Variants in ZNF208 observed in about 807,000 individuals in gnomAD.
ZNF208 encodes zinc finger protein 208.
In ZNF208, 10 loss-of-function variants were observed where a neutral mutation model predicts 12.1. The ratio of observed to expected loss-of-function variants is 0.83; its 90% CI spans 0.51 to 1.40. The LOEUF is 1.40. ZNF208 is among the 40% of genes most tolerant of loss of function. The pLI is 0.00. For missense variants in ZNF208, 1,652 were observed against 1,485.0 expected, an observed-to-expected ratio of 1.11 and a Z score of -1.85; for synonymous variants, 497 against 488.4, an observed-to-expected ratio of 1.02 and a Z score of -0.23.
At chr19:21,974,870 A>C in intron 3 of ZNF208, 63 bp from the exon 4 acceptor site, 1 of 1,439,440 alleles carries the variant, frequency 6.9e-7, no homozygotes, top group East Asian at 2.5e-5. Flanking sequence ...ACAGTTTCTA[A>C]ATCTAAACTA....
In ZNF208 at chr19:21,953,924, T is replaced by C. The variant is rs143305240; in HGVS notation, c.306-20687A>G. Among the ~76,000 whole-genome samples the C allele has an allele frequency of 3.1e-3, 465 of 152,324 alleles. 4 individuals are homozygous for C. Among genetic ancestry groups the C allele is most frequent in the Middle Eastern group, 0.01 (3 of 294 alleles). Reference sequence around the variant, plus strand: ...CTTCTCTAGTTCTTTTAATTGTGATTGTAGCATGTCAATTTTAGATCTTTC... The same window carrying C: ...CTTCTCTAGTTCTTTTAATTGTGATCGTAGCATGTCAATTTTAGATCTTTC... On this transcript the variant is annotated intron_variant, in intron 4 of 4. Coordinates refer to the ZNF208 transcript ENST00000599916.
intron 1 of ZNF208, among the ~76,000 whole-genome samples, chr19:22,008,782 A>G (rs1971094083): frequency 6.6e-6 from 1 of 152,130 alleles, no homozygotes; most frequent in Non-Finnish European, 1.5e-5. Flanking sequence ...AAAACAGCAC[A>G]CCAGAAGATG....
chr19:21,962,600 T>A (rs1460104481), downstream of ZNF208, among the ~76,000 whole-genome samples: 1 of 152,128 alleles, frequency 6.6e-6, no homozygotes, highest in Admixed American at 6.6e-5. Flanking sequence ...AAAAAAGAGA[T>A]GCAAAGAAGA....
rs1036187082 is a variant in ZNF208, at chr19:22,008,562, T to G, written c.3+2230A>C. Among the ~76,000 whole-genome samples the G allele has an allele frequency of 4.6e-4, 70 of 151,722 alleles. 1 individual carries two copies. The highest frequency in any genetic ancestry group is 3.6e-3 in the Admixed American group (55 of 15,238). On this transcript the variant is annotated intron_variant, in intron 1 of 3. Transcript: ENST00000397126. ...ATCTCACTGGGGTCAGTTTTTTTTT[T>G]TGTCTTTGGAGTGCTATTTTTTTTC...
In ZNF208 at chr19:21,970,889, T is replaced by C. The variant is rs895988222; in HGVS notation, c.*302A>G. 2.2e-5 allele frequency: 33 copies of C among 1,519,890 alleles called. No individual in the cohort carries two copies. The African/African-American group carries it at 2.9e-4, about 13-fold the overall frequency. 94.2% of individuals were successfully genotyped at this position (1,519,890 alleles called of 1,614,324 possible). ...TCTCTCCAGTATGAATTTTCTATGA[T>C]AACTGAGGGTTGAGGACCACTTATA... is the stretch of plus-strand genomic sequence containing the variant. On this transcript the variant is annotated 3_prime_UTR_variant, in exon 4 of 4. Transcript: ENST00000397126.
In ZNF208 at chr19:21,972,519, C is replaced by T. The variant is rs145722631; in HGVS notation, c.2515G>A (p.Gly839Ser). 2.2e-3 allele frequency: 3,593 copies of T among 1,612,774 alleles called. 82 individuals carry two copies. The African/African-American group carries it at 0.043, about 19-fold the overall frequency. The change falls in exon 4 of 4, where the codon GGC becomes AGC. Residue 839 changes from glycine to serine, a missense_variant. By Grantham distance (56) the Gly-to-Ser change is moderately conservative. Transcript: ENST00000397126. ...ATTGAGAACTTACTAAAGGCTTTGC[C>T]ACATTCTTTACATTTGTAGGGCTTT... ...GEKPYKCKECGKAFSKFSILT... is the reference protein window; with the variant it reads ...GEKPYKCKECSKAFSKFSILT...
intron 3 of ZNF208, among the ~76,000 whole-genome samples, chr19:21,985,604 C>G (rs750324189): frequency 2.0e-5 from 3 of 152,190 alleles, no homozygotes; most frequent in Non-Finnish European, 4.4e-5. Context: ...TTTGAACTTA[C>G]TCTGTAACCA....
In ZNF208 at chr19:21,970,626, A is replaced by T; in HGVS notation, c.*565T>A. 3.1e-6 allele frequency: 3 copies of T among 968,770 alleles called. No homozygotes were observed. The highest frequency in any genetic ancestry group is 4.9e-6 in the Non-Finnish European group (3 of 618,432). 60.0% of individuals were successfully genotyped at this position (968,770 alleles called of 1,614,324 possible). A position where few individuals can be genotyped will look rare whatever the true frequency, so the allele number is the denominator to read the frequency against. ...ATTTGTAGGGCTTCTCACCAGTATG[A>T]ATTCTCTTATGTTCCATAAGGTTTG... On this transcript the variant is annotated 3_prime_UTR_variant, in exon 4 of 4. Coordinates refer to ENST00000397126, the MANE Select transcript of ZNF208 (RefSeq NM_007153.3).
At chr19:21,940,517 AAAAAG>A (rs1969718320) in intron 4 of ZNF208, 1 of 152,220 alleles carries the variant, frequency 6.6e-6, no homozygotes, top group Non-Finnish European at 1.5e-5. Flanking sequence ...GGAAAAGGCG[AAAAAG>A]AAAAGAAAAA....
intron 1 of ZNF208, among the ~76,000 whole-genome samples, chr19:22,005,058 C>T (rs147425289): frequency 2.7e-3 from 404 of 152,224 alleles, no homozygotes; most frequent in African/African-American, 9.4e-3. Context: ...AGATTATGAA[C>T]CCTAGGCTGG....
chr19:21,977,348 G>A (rs1970450908), intron 3 of ZNF208, among the ~76,000 whole-genome samples: 2 of 152,232 alleles, frequency 1.3e-5, no homozygotes, highest in South Asian at 4.1e-4. Flanking sequence ...CAGAAGGTGG[G>A]TGATTTCTGC....
rs143936594 is a variant in ZNF208, at chr19:21,979,317, C to G, written c.227-4510G>C. On this transcript the variant is annotated intron_variant, in intron 3 of 3. Transcript: ENST00000397126. ...TGAAATGAAGAAAAAATGTTGACGGCAGCCAGGGAGAAAGGTCGGGTTACC... is the reference window on the plus strand; with the variant it reads ...TGAAATGAAGAAAAAATGTTGACGGGAGCCAGGGAGAAAGGTCGGGTTACC... Among the ~76,000 whole-genome samples the G allele has an allele frequency of 7.7e-3, 1,170 of 152,232 alleles. 8 individuals carry two copies. The highest frequency in any genetic ancestry group is 0.026 in the African/African-American group (1,096 of 41,518).
In ZNF208 at chr19:21,947,068, T is replaced by G. The variant is rs141973240; in HGVS notation, c.306-13831A>C. ...AGCCTATGGATATAATCATGCTGAGTAAAGTCAGTCAGTGTCTTAGTCATC... is the reference window on the plus strand; with the variant it reads ...AGCCTATGGATATAATCATGCTGAGGAAAGTCAGTCAGTGTCTTAGTCATC... On this transcript the variant is annotated intron_variant, in intron 4 of 4. Transcript: ENST00000599916. Among the ~76,000 whole-genome samples, 767 of 152,254 alleles carry G rather than the reference T, an allele frequency of 5.0e-3. 3 individuals carry two copies. The highest frequency in any genetic ancestry group is 0.017 in the African/African-American group (710 of 41,550).
intron 4 of ZNF208, among the ~76,000 whole-genome samples, chr19:21,948,099 GA>G (rs1969840244): frequency 1.3e-5 from 2 of 152,176 alleles, no homozygotes; most frequent in African/African-American, 4.8e-5. Context: ...ACCAAAAAGA[GA>G]AAGGGGACTG....
chr19:21,989,165 C>A (rs1306461428), intron 1 of ZNF208, among the ~76,000 whole-genome samples: 1 of 151,162 alleles, frequency 6.6e-6, no homozygotes, highest in Non-Finnish European at 1.5e-5. Context: ...TATACATGTG[C>A]CATCCTGGTG....
intron 1 of ZNF208, chr19:21,998,576 T>G (rs1277833206): frequency 6.6e-6 from 1 of 152,564 alleles, no homozygotes; most frequent in East Asian, 1.9e-4. Flanking sequence ...ACTGGGACTG[T>G]AGACACACAC....
At chr19:21,944,736 A>T (rs1053364996) in intron 4 of ZNF208, among the ~76,000 whole-genome samples, 1 of 152,198 alleles carries the variant, frequency 6.6e-6, no homozygotes, top group Non-Finnish European at 1.5e-5. Flanking sequence ...TAAAAATTTT[A>T]ATTTTCCCAC....
rs148566913 is a variant in ZNF208 at position 21,959,633 on chromosome 19, C to A, written c.305+15096G>T. On this transcript the variant is annotated intron_variant, in intron 4 of 4. Transcript: ENST00000599916. ...GAAAATAAAGTGACTGCGGATTAAGCAGACAGCTATACATGGAAAAATATT... is the reference window on the plus strand; with the variant it reads ...GAAAATAAAGTGACTGCGGATTAAGAAGACAGCTATACATGGAAAAATATT... Among the ~76,000 whole-genome samples, 375 of 152,242 alleles carry A rather than the reference C, an allele frequency of 2.5e-3. 1 individual carries two copies. The highest frequency in any genetic ancestry group is 8.7e-3 in the African/African-American group (362 of 41,554).
chr19:22,000,522 A>G (rs1970925825), intron 1 of ZNF208, among the ~76,000 whole-genome samples: 1 of 152,220 alleles, frequency 6.6e-6, no homozygotes, highest in African/African-American at 2.4e-5. Flanking sequence ...AAGAACAAAA[A>G]TACAACACAC....
Sources: allele counts gnomAD v4.1 joint callset (sites outside exome capture counted in the v4.1 genomes callset), GRCh38; gene constraint gnomAD v4.1.1; transcripts MANE v1.5; gene names NCBI Gene and HGNC (gene_info 2026-07-23, HGNC 2026-07-21).